ESPN: variants seen among roughly 807,000 people sequenced by gnomAD.
ESPN encodes espin, also known as autosomal recessive deafness type 36 protein.
A neutral mutation model predicts 77.7 loss-of-function variants in ESPN; 68 were observed. The ratio of observed to expected loss-of-function variants is 0.87; its 90% CI spans 0.72 to 1.07. The LOEUF is 1.07. Among genes scored for constraint, ESPN ranks in the 50% least tolerant of loss-of-function variants. The pLI is 0.00. For synonymous variants in ESPN, 449 were observed against 567.1 expected (o/e 0.79, Z 2.96); for missense variants, 1,060 against 1,239.0 (o/e 0.86, Z 2.17).
intron 10 of ESPN, chr1:6,454,307 C>T: frequency 5.0e-6 from 2 of 397,734 alleles, no homozygotes; most frequent in Non-Finnish European, 8.9e-6. Context: ...CGCGGTCCCT[C>T]CCTGCAGACG....
intron 10 of ESPN, among the ~76,000 whole-genome samples, chr1:6,454,237 G>C (rs80322271): frequency 6.6e-6 from 1 of 152,226 alleles, no homozygotes; most frequent in Non-Finnish European, 1.5e-5. Context: ...ACACTGCCCA[G>C]AGCCTGGAGC....
rs1405998339 is a variant in ESPN at position 6,450,497 on chromosome 1, G to A, written c.1916-1106G>A. 9.4e-6 allele frequency: 9 copies of A among 961,662 alleles called. No individual in the cohort carries two copies. The highest frequency in any genetic ancestry group is 1.8e-5 in the African/African-American group (1 of 56,790). The allele number at this position is 961,662 out of a possible 1,614,324, so 59.6% of individuals were successfully genotyped here. On this transcript the variant is annotated intron_variant, in intron 8 of 12. Coordinates refer to ENST00000645284, the MANE Select transcript of ESPN (RefSeq NM_031475.3). The surrounding 1 kb of genome is among the most constrained non-coding windows in gnomAD (Gnocchi z 4.3). The stretch of plus-strand genomic sequence containing the variant: ...TGAGTAGCTGCGTGCGCGGCTCCTG[G>A]CTGAGGCTGAGGCGCGGGGTGGGGG...
chr1:6,440,623 C>CCCCCCGGGGG lies in ESPN; in HGVS notation c.676-3_676-2insCCCCCGGGGG. On this transcript the variant is annotated splice_polypyrimidine_tract_variant and splice_region_variant and intron_variant, in intron 3 of 12. Transcript: ENST00000645284. The stretch of plus-strand genomic sequence containing the variant: ...CCCCCCTCTCCCCGCCCGTCCCGCC[C>CCCCCCGGGGG]AGGTGAGCTGCACCGACGTGAGCCT... 6.6e-7 allele frequency: 1 copy of CCCCCCGGGGG among 1,510,570 alleles called. No homozygotes were observed. Among genetic ancestry groups the CCCCCCGGGGG allele is most frequent in the Non-Finnish European group, 8.8e-7 (1 of 1,135,586 alleles). 93.6% of individuals were successfully genotyped at this position (1,510,570 alleles called of 1,614,324 possible).
intron 12 of ESPN, among the ~76,000 whole-genome samples, chr1:6,457,742 A>G (rs1644082065): frequency 6.6e-6 from 1 of 152,368 alleles, no homozygotes; most frequent in African/African-American, 2.4e-5. Context: ...TCTAGTAGCC[A>G]CAGTGAAAAT....
At chr1:6,443,487 G>A (rs112314539) in intron 5 of ESPN, among the ~76,000 whole-genome samples, 3 of 152,368 alleles carry the variant, frequency 2.0e-5, no homozygotes, top group African/African-American at 7.2e-5. Context: ...GCACCTTCGG[G>A]TGCTGCCCAC....
Position 6,451,445 on chromosome 1 carries a change from C to A in ESPN, c.1916-158C>A. 9.5e-7 allele frequency: 1 copy of A among 1,047,496 alleles called. No homozygotes were observed. The highest frequency in any genetic ancestry group is 1.4e-6 in the Non-Finnish European group (1 of 699,690). 64.9% of individuals were successfully genotyped at this position (1,047,496 alleles called of 1,614,324 possible). ...GGCCCGCCTCTGGGGGCCCTGAAAC[C>A]TGCCTGCAGGACCTGGGATCTGGAG... is the stretch of plus-strand genomic sequence containing the variant. On this transcript the variant is annotated intron_variant, in intron 8 of 12. Coordinates refer to ENST00000645284, the MANE Select transcript of ESPN (RefSeq NM_031475.3). This position sits in a 1 kb window ranked among gnomAD's most constrained non-coding sequence, Gnocchi z 4.3.
chr1:6,455,267 G>A, intron 10 of ESPN: 1 of 389,196 alleles, frequency 2.6e-6, no homozygotes, highest in Non-Finnish European at 4.5e-6. Context: ...ACCTCGACCT[G>A]CGCAAGGAGC....
At chr1:6,425,273 G>A (rs1156546531) in intron 1 of ESPN, 24 bp downstream of exon 1, 1 of 1,564,698 alleles carries the variant, frequency 6.4e-7, no homozygotes, top group South Asian at 1.2e-5. Context: ...GTTCGCCAGG[G>A]GCACTGAGGC....
chr1:6,445,098 C>T (rs137954015), intron 6 of ESPN, among the ~76,000 whole-genome samples: 153 of 148,598 alleles, frequency 1.0e-3, no homozygotes, highest in African/African-American at 3.6e-3. Flanking sequence ...CAGATATGCA[C>T]GCACACACAC....
rs546660823 is a variant in ESPN, at chr1:6,460,255, C to T, written c.*109C>T. ...CTGGGAGCCGCACAGCCCTCCCCTC[C>T]TGCGCTGGAAACCCTCCCTGACCCC... On this transcript the variant is annotated 3_prime_UTR_variant, in exon 13 of 13. Coordinates refer to ENST00000645284, the MANE Select transcript of ESPN (RefSeq NM_031475.3). The T allele has an allele frequency of 1.0e-4, 146 of 1,418,002 alleles. No individual in the cohort carries two copies. In the African/African-American group the frequency reaches 1.4e-3, roughly 14 times the overall value. The allele number at this position is 1,418,002 out of a possible 1,614,324, so 87.8% of individuals were successfully genotyped here.
At chr1:6,454,033 G>C (rs568273894) in intron 10 of ESPN, among the ~76,000 whole-genome samples, 1 of 152,318 alleles carries the variant, frequency 6.6e-6, no homozygotes, top group South Asian at 2.1e-4. Context: ...AGTCTGGGAG[G>C]AGAGGCCTCA....
Position 6,447,661 on chromosome 1 carries a change from G to T in ESPN, c.1465-980G>T, listed in dbSNP as rs1643874499. Among the ~76,000 whole-genome samples the T allele has an allele frequency of 6.6e-6, 1 of 152,206 alleles. No individual in the cohort carries two copies. The highest frequency in any genetic ancestry group is 1.5e-5 in the Non-Finnish European group (1 of 68,030). On this transcript the variant is annotated intron_variant, in intron 7 of 12. Coordinates refer to ENST00000645284, the MANE Select transcript of ESPN (RefSeq NM_031475.3). The surrounding 1 kb of genome is among the most constrained non-coding windows in gnomAD (Gnocchi z 5.2). ...CCCCGCCTTACGGCCCCTGAAATCC[G>T]AGGCTTGAGCGCGGGTGTCGGTGTC...
At position 6,425,098 on chromosome 1, in the gene ESPN, A is replaced by C. The variant is rs1642985774; in HGVS notation, c.143A>C (p.Lys48Thr). Residue 48 changes from lysine to threonine, a missense_variant, in exon 1 of 13, where the codon AAG (lysine) becomes ACG (threonine). By Grantham distance (78) the Lys-to-Thr change is moderately conservative. Transcript: ENST00000645284. ...LPVHHAARAGKLHCLRFLVEE... is the reference protein window; with the variant it reads ...LPVHHAARAGTLHCLRFLVEE... ...GTGCACCACGCGGCCCGCGCTGGGA[A>C]GCTGCACTGTCTGCGCTTCCTGGTG... 6.7e-7 allele frequency: 1 copy of C among 1,503,628 alleles called. No individual in the cohort carries two copies. The highest frequency in any genetic ancestry group is 2.1e-5 in the Admixed American group (1 of 47,046). 93.1% of individuals were successfully genotyped at this position (1,503,628 alleles called of 1,614,324 possible).
intron 2 of ESPN, among the ~76,000 whole-genome samples, chr1:6,430,614 A>G (rs1366747583): frequency 1.3e-5 from 2 of 152,220 alleles, no homozygotes; most frequent in East Asian, 3.9e-4. Flanking sequence ...GAGATCTCTC[A>G]TACAAAATTA....
At chr1:6,441,243 A>G (rs539736669) in intron 5 of ESPN, among the ~76,000 whole-genome samples, 178 bp downstream of exon 5, 1 of 152,256 alleles carries the variant, frequency 6.6e-6, no homozygotes, top group African/African-American at 2.4e-5. Flanking sequence ...GAGTAGAGGC[A>G]CAAAGGTCAA....
chr1:6,440,606 T>TGGCCC lies in ESPN; in HGVS notation c.676-20_676-19insGGCCC. 10 of 870,426 alleles carry TGGCCC rather than the reference T, an allele frequency of 1.1e-5. No individual in the cohort carries two copies. Among genetic ancestry groups the TGGCCC allele is most frequent in the East Asian group, 3.9e-5 (1 of 25,490 alleles). The allele number at this position is 870,426 out of a possible 1,614,324, so 53.9% of individuals were successfully genotyped here. ...CTGGCGCCCAGCCCCCGCCCCCCTC[T>TGGCCC]CCCCGCCCGTCCCGCCCAGGTGAGC... On this transcript the variant is annotated intron_variant, in intron 3 of 12. Transcript: ENST00000645284.
intron 2 of ESPN, among the ~76,000 whole-genome samples, chr1:6,430,512 G>T (rs1295824849): frequency 6.6e-6 from 1 of 152,226 alleles, no homozygotes; most frequent in African/African-American, 2.4e-5. Context: ...TCCCGTTCAT[G>T]GGGCCAAGTC....
In ESPN at chr1:6,447,036, G is replaced by C. The variant is rs1643862852; in HGVS notation, c.1464+1101G>C. ...AATCGCTGAGTTCCCAACGCAGACT[G>C]TTGGCCCCGCCCAAATCCACAGGAC... is the stretch of plus-strand genomic sequence containing the variant. On this transcript the variant is annotated intron_variant, in intron 7 of 12. Coordinates refer to ENST00000645284, the MANE Select transcript of ESPN (RefSeq NM_031475.3). The surrounding 1 kb of genome is among the most constrained non-coding windows in gnomAD (Gnocchi z 5.2). 1 of 152,480 alleles carries C rather than the reference G, an allele frequency of 6.6e-6. No individual in the cohort carries two copies. The highest frequency in any genetic ancestry group is 6.5e-5 in the Admixed American group (1 of 15,290). The allele number at this position is 152,480 out of a possible 1,614,324, so 9.4% of individuals were successfully genotyped here. A position where few individuals can be genotyped will look rare whatever the true frequency, so the allele number is the denominator to read the frequency against.
chr1:6,444,824 A>C, intron 6 of ESPN, 142 bp downstream of exon 6: 1 of 948,120 alleles, frequency 1.1e-6, no homozygotes, highest in Non-Finnish European at 1.6e-6. Flanking sequence ...TGGGGAGGCG[A>C]CACCCCTTCT....
Sources: allele counts gnomAD v4.1 joint callset (sites outside exome capture counted in the v4.1 genomes callset), GRCh38; gene constraint gnomAD v4.1.1; non-coding constraint Gnocchi (gnomAD v3.1); transcripts MANE v1.5; gene names NCBI Gene and HGNC (gene_info 2026-07-23, HGNC 2026-07-21).